The following KANK1 variants were observed in gnomAD, a reference collection of about 807,000 sequenced individuals.
The protein encoded by KANK1 is KN motif and ankyrin repeat domains 1.
Under a neutral mutation model 106.2 loss-of-function variants are expected in KANK1, and 109 were observed. The ratio of observed to expected loss-of-function variants is 1.03; its 90% confidence interval spans 0.88 to 1.20. The LOEUF (loss-of-function observed/expected upper bound fraction) is 1.20. Among genes scored for constraint, KANK1 ranks in the 50% most tolerant of loss-of-function variants. KANK1 has a pLI of 0.00. For synonymous variants in KANK1, 873 were observed against 652.2 expected (o/e 1.34, Z -5.16); for missense variants, 2,399 against 1,710.7 (o/e 1.40, Z -7.10).
intron 1 of KANK1, among the ~76,000 whole-genome samples, chr9:531,846 G>A (rs2060071161): frequency 6.6e-6 from 1 of 151,988 alleles, no homozygotes; most frequent in South Asian, 2.1e-4. Context: ...GGCTGCTTCT[G>A]TGTGTGTGTG....
intron 1 of KANK1, among the ~76,000 whole-genome samples, chr9:614,519 C>T (rs562745741): frequency 2.0e-5 from 3 of 152,282 alleles, no homozygotes; most frequent in Non-Finnish European, 4.4e-5. Context: ...TAGTGGCAAT[C>T]TCTTAACAGT....
intron 1 of KANK1, among the ~76,000 whole-genome samples, chr9:514,172 C>T (rs1427659968): frequency 1.1e-4 from 10 of 95,048 alleles, no homozygotes; most frequent in Non-Finnish European, 9.5e-5. Flanking sequence ...TCCTCTCTCC[C>T]TCCCTTCCTC....
At chr9:744,432 T>G in intron 10 of KANK1, 59 bp from the exon 11 acceptor site, 1 of 1,564,978 alleles carries the variant, frequency 6.4e-7, no homozygotes, top group Non-Finnish European at 8.7e-7. Flanking sequence ...CTGTTACCTT[T>G]CGGTTGTCTG....
chr9:606,284 C>CAT (rs1563847709), intron 1 of KANK1, among the ~76,000 whole-genome samples: 1 of 148,224 alleles, frequency 6.7e-6, no homozygotes, highest in Non-Finnish European at 1.5e-5. Context: ...GTGGTGGGGG[C>CAT]GGTGGCTCAC....
At chr9:696,347 C>T (rs1407563260) in intron 2 of KANK1, among the ~76,000 whole-genome samples, 1 of 151,302 alleles carries the variant, frequency 6.6e-6, no homozygotes, top group Non-Finnish European at 1.5e-5. Context: ...GGTAGAGAAA[C>T]ACAGGCATGT....
intron 2 of KANK1, among the ~76,000 whole-genome samples, chr9:696,571 A>C (rs1280738015): frequency 6.6e-6 from 1 of 152,110 alleles, no homozygotes; most frequent in Non-Finnish European, 1.5e-5. Flanking sequence ...AGGGGATAGA[A>C]TGAGCAAAGA....
At chr9:648,231 T>C (rs1485458874) in intron 1 of KANK1, among the ~76,000 whole-genome samples, 1 of 143,110 alleles carries the variant, frequency 7.0e-6, no homozygotes, top group Admixed American at 6.7e-5. Flanking sequence ...CTCAATCTCT[T>C]GACCCTGTGA....
At chr9:538,684 G>A (rs1433010350) in intron 1 of KANK1, among the ~76,000 whole-genome samples, 1 of 152,148 alleles carries the variant, frequency 6.6e-6, no homozygotes, top group Non-Finnish European at 1.5e-5. Context: ...AGAACATAAG[G>A]AAGGAGTCAG....
chr9:734,527 C>T (rs1440122669), intron 6 of KANK1: 1 of 404,310 alleles, frequency 2.5e-6, no homozygotes, highest in African/African-American at 2.0e-5. Flanking sequence ...TTAGCTGGGC[C>T]TGGTGGTGCA....
chr9:600,131 C>T (rs1051335279), intron 1 of KANK1, among the ~76,000 whole-genome samples: 1 of 151,656 alleles, frequency 6.6e-6, no homozygotes. Context: ...CATTATTGCG[C>T]AACCAGTCTC....
chr9:714,346 A>C (rs1827095093), intron 3 of KANK1, among the ~76,000 whole-genome samples: 1 of 145,246 alleles, frequency 6.9e-6, no homozygotes, highest in African/African-American at 2.6e-5. Context: ...GAGAGAAGGG[A>C]GTCTTTTCCC....
At chr9:605,789 G>C (rs1193992529) in intron 1 of KANK1, among the ~76,000 whole-genome samples, 1 of 151,708 alleles carries the variant, frequency 6.6e-6, no homozygotes, top group Non-Finnish European at 1.5e-5. Context: ...TCAGTGCTTT[G>C]GATTATGGGG....
chr9:511,036 G>A (rs1477629056), intron 1 of KANK1, among the ~76,000 whole-genome samples: 2 of 152,174 alleles, frequency 1.3e-5, no homozygotes, highest in African/African-American at 4.8e-5. Context: ...GGGAATGAAT[G>A]TATAATGATG....
intron 3 of KANK1, among the ~76,000 whole-genome samples, chr9:727,507 A>G (rs1281777430): frequency 2.6e-5 from 4 of 151,792 alleles, no homozygotes; most frequent in African/African-American, 9.7e-5. Context: ...GTAGAGATGG[A>G]GTTTCACCAT....
intron 2 of KANK1, chr9:706,887 A>G: frequency 2.0e-6 from 2 of 985,476 alleles, no homozygotes; most frequent in African/African-American, 1.7e-5. Flanking sequence ...TGACTAGTAT[A>G]GGAAAAACAG....
At chr9:622,916 G>A (rs543201119) in intron 1 of KANK1, among the ~76,000 whole-genome samples, 1 of 151,954 alleles carries the variant, frequency 6.6e-6, no homozygotes, top group East Asian at 1.9e-4. Flanking sequence ...AAAAAGAAAA[G>A]AAAGACTTAA....
At position 722,828 on chromosome 9, in the gene KANK1, G is replaced by T. The variant is rs937489073; in HGVS notation, c.2699-7223G>T. ...TAAAGGCTCTCAATGGTCCCGCACT[G>T]TTCTAAGCACTGGACAGGACACCAA... On this transcript the variant is annotated intron_variant, in intron 3 of 11. Coordinates refer to ENST00000382297, the MANE Select transcript of KANK1 (RefSeq NM_015158.5). 3.3e-5 allele frequency among the ~76,000 whole-genome samples: 5 copies of T among 152,208 alleles called. No homozygotes were observed. In the East Asian group the frequency reaches 9.6e-4, roughly 29 times the overall value.
chr9:654,702 A>T (rs912512641), intron 1 of KANK1, among the ~76,000 whole-genome samples: 3 of 152,116 alleles, frequency 2.0e-5, no homozygotes, highest in Non-Finnish European at 1.5e-5. Flanking sequence ...TCAGGTACCA[A>T]TATATTGTTT....
chr9:613,173 C>G (rs1485256054), intron 1 of KANK1, among the ~76,000 whole-genome samples: 1 of 151,700 alleles, frequency 6.6e-6, no homozygotes, highest in Non-Finnish European at 1.5e-5. Context: ...TCCTAGCAGC[C>G]AAGGCAAAGA....
Sources: allele counts gnomAD v4.1 joint callset (sites outside exome capture counted in the v4.1 genomes callset), GRCh38; gene constraint gnomAD v4.1.1; transcripts MANE v1.5; gene names NCBI Gene and HGNC (gene_info 2026-07-23, HGNC 2026-07-21).